PPP1R1C: variants seen among roughly 807,000 people sequenced by gnomAD.
PPP1R1C encodes the protein protein phosphatase 1 regulatory inhibitor subunit 1C.
A neutral mutation model predicts 17.4 loss-of-function variants in PPP1R1C; 15 were observed. The ratio of observed to expected loss-of-function variants is 0.86; its 90% CI spans 0.58 to 1.33. PPP1R1C has a LOEUF of 1.33. Among genes scored for constraint, PPP1R1C ranks in the 40% most tolerant of loss-of-function variants. The pLI is 0.00. For synonymous variants in PPP1R1C, 35 were observed against 43.1 expected, an observed-to-expected ratio of 0.81 and a Z score of 0.73; for missense variants, 143 against 130.0, an observed-to-expected ratio of 1.10 and a Z score of -0.48.
At chr2:182,095,929 C>T (rs563034081) in intron 4 of PPP1R1C, among the ~76,000 whole-genome samples, 142 of 151,258 alleles carry the variant, frequency 9.4e-4, no homozygotes, top group Non-Finnish European at 5.0e-4. Context: ...GAGCCAAGAT[C>T]GCGCCACTGC....
chr2:182,098,982 T>A lies in PPP1R1C; in HGVS notation c.242-18225T>A, dbSNP rs184383312. Among the ~76,000 whole-genome samples the A allele has an allele frequency of 5.3e-5, 8 of 152,366 alleles. No individual in the cohort carries two copies. In the East Asian group the frequency reaches 1.5e-3, roughly 29 times the overall value. The stretch of plus-strand genomic sequence containing the variant: ...TAATCTGTATTCTTCAGAAAAATAT[T>A]GTTAAAATGTTTACTATTTTTTATT... On this transcript the variant is annotated intron_variant, in intron 4 of 4. Transcript: ENST00000682840.
intron 2 of PPP1R1C, among the ~76,000 whole-genome samples, chr2:182,031,745 A>C (rs1397865508): frequency 6.6e-6 from 1 of 152,228 alleles, no homozygotes; most frequent in East Asian, 1.9e-4. Flanking sequence ...GAAATGTTTT[A>C]CTAGAAACTT....
In PPP1R1C at chr2:182,015,967, C is replaced by T. The variant is rs185540612; in HGVS notation, c.142+28068C>T. 3.7e-3 allele frequency among the ~76,000 whole-genome samples: 559 copies of T among 152,200 alleles called. 5 individuals carry two copies. The highest frequency in any genetic ancestry group is 0.013 in the African/African-American group (530 of 41,528). ...ACCCCATGTGTGCGTGTGCCGGCTC[C>T]GAGCCCAGCACAGCACTAGGACTTG... On this transcript the variant is annotated intron_variant, in intron 2 of 4. Coordinates refer to ENST00000682840, the MANE Select transcript of PPP1R1C (RefSeq NM_001080545.3).
At chr2:182,065,567 A>G (rs957475384) in intron 4 of PPP1R1C, among the ~76,000 whole-genome samples, 2 of 152,086 alleles carry the variant, frequency 1.3e-5, no homozygotes, top group Non-Finnish European at 2.9e-5. Context: ...GAGTGTAAAA[A>G]CATTTGCTGA....
chr2:182,075,701 C>A (rs1180917865), intron 4 of PPP1R1C, among the ~76,000 whole-genome samples: 1 of 152,074 alleles, frequency 6.6e-6, no homozygotes. Flanking sequence ...GGTTTGAATC[C>A]CACTTTTCAA....
At chr2:181,978,858 T>C (rs1479901078) in intron 2 of PPP1R1C, among the ~76,000 whole-genome samples, 1 of 152,116 alleles carries the variant, frequency 6.6e-6, no homozygotes, top group Non-Finnish European at 1.5e-5. Flanking sequence ...TCTTCCATTT[T>C]TGCAAAAATA....
At chr2:181,992,189 T>TAAATATAATACTATCTCC (rs1215051232) in intron 2 of PPP1R1C, among the ~76,000 whole-genome samples, 19 of 137,566 alleles carry the variant, frequency 1.4e-4, no homozygotes, top group South Asian at 4.8e-4. Context: ...TTAACCGGGC[T>TAAATATAATACTATCTCC]TTTCAACTCC....
chr2:182,075,454 GGTCCTCTTA>G (rs1688270353), intron 4 of PPP1R1C, among the ~76,000 whole-genome samples: 1 of 152,154 alleles, frequency 6.6e-6, no homozygotes. Flanking sequence ...AAAGCCAGTT[GGTCCTCTTA>G]GACCATGGCA....
chr2:182,106,969 A>T (rs1689272945), intron 4 of PPP1R1C, among the ~76,000 whole-genome samples: 1 of 152,100 alleles, frequency 6.6e-6, no homozygotes, highest in African/African-American at 2.4e-5. Context: ...CTCCCATTTC[A>T]CAGTCATTTT....
chr2:182,041,488 AC>A (rs1431378251), intron 2 of PPP1R1C, among the ~76,000 whole-genome samples: 1 of 151,512 alleles, frequency 6.6e-6, no homozygotes, highest in Non-Finnish European at 1.5e-5. Flanking sequence ...AGCTGCCTGT[AC>A]TCCCAGCTAC....
chr2:182,065,215 A>G (rs1344627041), intron 4 of PPP1R1C, among the ~76,000 whole-genome samples: 5 of 152,104 alleles, frequency 3.3e-5, no homozygotes, highest in Non-Finnish European at 7.4e-5. Context: ...GAGAAAGCAC[A>G]GTAATTGTTT....
At chr2:182,036,788 G>A (rs1029839930) in intron 2 of PPP1R1C, among the ~76,000 whole-genome samples, 1 of 152,028 alleles carries the variant, frequency 6.6e-6, no homozygotes, top group African/African-American at 2.4e-5. Context: ...GTGTGTATGT[G>A]TATGTATAAT....
At chr2:182,062,276 G>C (rs896618176) in intron 3 of PPP1R1C, among the ~76,000 whole-genome samples, 9 of 151,988 alleles carry the variant, frequency 5.9e-5, no homozygotes, top group South Asian at 2.1e-4. Flanking sequence ...AAGTGGAAAA[G>C]CTTTCAAAAC....
intron 2 of PPP1R1C, among the ~76,000 whole-genome samples, chr2:182,018,247 C>A (rs2125160766): frequency 6.6e-6 from 1 of 152,150 alleles, no homozygotes; most frequent in Non-Finnish European, 1.5e-5. Flanking sequence ...TTAGGATAAA[C>A]CAGATCTCTG....
intron 4 of PPP1R1C, among the ~76,000 whole-genome samples, chr2:182,087,079 C>T (rs1478745128): frequency 6.6e-6 from 1 of 152,184 alleles, no homozygotes; most frequent in Non-Finnish European, 1.5e-5. Flanking sequence ...ACTGGCTCTA[C>T]CCTCAAAAAA....
At chr2:182,001,146 A>C (rs1295834562) in intron 2 of PPP1R1C, among the ~76,000 whole-genome samples, 1 of 152,218 alleles carries the variant, frequency 6.6e-6, no homozygotes, top group African/African-American at 2.4e-5. Context: ...CACAAAACAC[A>C]GGCTGACCAA....
intron 1 of PPP1R1C, chr2:181,954,678 C>T (rs1195544869): frequency 2.0e-5 from 3 of 152,100 alleles, no homozygotes; most frequent in African/African-American, 4.8e-5. Flanking sequence ...ACAGACTTCC[C>T]CATTATATTT....
chr2:182,112,094 T>A (rs1689456147), intron 4 of PPP1R1C, among the ~76,000 whole-genome samples: 1 of 152,182 alleles, frequency 6.6e-6, no homozygotes, highest in South Asian at 2.1e-4. Flanking sequence ...TGAATTAGCT[T>A]CATTACATGC....
intron 1 of PPP1R1C, among the ~76,000 whole-genome samples, chr2:181,963,724 T>C (rs1684850976): frequency 6.6e-6 from 1 of 151,722 alleles, no homozygotes; most frequent in Admixed American, 6.6e-5. Context: ...AGTTCCCATG[T>C]TGAAAGTGAA....
Sources: gnomAD v4.1 joint callset for allele counts (sites outside exome capture counted in the v4.1 genomes callset) on GRCh38, gnomAD v4.1.1 for gene constraint, MANE v1.5 for transcripts, NCBI Gene and HGNC (gene_info 2026-07-23, HGNC 2026-07-21) for gene names.